Variants in SLC39A11 observed in about 807,000 individuals in gnomAD.
SLC39A11 encodes solute carrier family 39 member 11.
In SLC39A11, 33 loss-of-function variants were observed where a neutral mutation model predicts 36.1. That is an observed-to-expected ratio of 0.91 (90% CI 0.69 to 1.22). SLC39A11 has a LOEUF of 1.22. Ranked by LOEUF, SLC39A11 falls within the 50% of genes most tolerant of loss-of-function variation. SLC39A11 has a pLI of 0.00. For missense variants in SLC39A11, 432 were observed against 430.3 expected (o/e 1.00, Z -0.03); for synonymous variants, 166 against 170.3 (o/e 0.97, Z 0.20).
At chr17:72,883,998 T>A (rs1027941361) in intron 5 of SLC39A11, among the ~76,000 whole-genome samples, 2 of 152,036 alleles carry the variant, frequency 1.3e-5, no homozygotes, top group African/African-American at 4.8e-5. Context: ...CTACAAAAAA[T>A]ACAAAAGTTA....
At position 72,895,988 on chromosome 17, in the gene SLC39A11, C is replaced by CT. The variant is rs377060948; in HGVS notation, c.431-46185dup. ...GGCCCTATTAAAGATTATTTTTAAT[C>CT]TTTTTTTTTGGTGTGCATATGTATG... On this transcript the variant is annotated intron_variant, in intron 5 of 9. Coordinates refer to ENST00000255559, the MANE Select transcript of SLC39A11 (RefSeq NM_139177.4). Among the ~76,000 whole-genome samples, 187 of 150,720 alleles carry CT rather than the reference C, an allele frequency of 1.2e-3. 1 individual carries two copies. The highest frequency in any genetic ancestry group is 4.2e-3 in the African/African-American group (172 of 41,162).
At chr17:73,047,990 A>AATATATATATATATATAT in intron 3 of SLC39A11, among the ~76,000 whole-genome samples, 10 of 58,696 alleles carry the variant, frequency 1.7e-4, no homozygotes, top group Admixed American at 3.2e-4. Context: ...AAAAAAAAAA[A>AATATATATATATATATAT]ATATATATAT....
chr17:72,836,568 C>T (rs2078558473), intron 6 of SLC39A11, among the ~76,000 whole-genome samples: 1 of 152,020 alleles, frequency 6.6e-6, no homozygotes, highest in African/African-American at 2.4e-5. Context: ...CTTGAACTCC[C>T]AGGTTCAAGC....
At chr17:72,809,573 T>C (rs1330433069) in intron 6 of SLC39A11, among the ~76,000 whole-genome samples, 1 of 152,164 alleles carries the variant, frequency 6.6e-6, no homozygotes, top group African/African-American at 2.4e-5. Flanking sequence ...ATGGTTCAAA[T>C]ATCTGAGGAC....
At chr17:73,012,758 A>G (rs1025022306) in intron 4 of SLC39A11, among the ~76,000 whole-genome samples, 2 of 151,734 alleles carry the variant, frequency 1.3e-5, no homozygotes, top group Non-Finnish European at 2.9e-5. Context: ...TGTGTACCCA[A>G]TGTTTATTTT....
chr17:72,974,298 C>T (rs2087676463), intron 4 of SLC39A11, among the ~76,000 whole-genome samples: 1 of 152,012 alleles, frequency 6.6e-6, no homozygotes, highest in South Asian at 2.1e-4. Flanking sequence ...CAAGGTTTTG[C>T]CACGTTGGCC....
chr17:72,699,159 T>C (rs1165693560), intron 7 of SLC39A11, among the ~76,000 whole-genome samples: 1 of 152,050 alleles, frequency 6.6e-6, no homozygotes, highest in Non-Finnish European at 1.5e-5. Context: ...GGGACCGAAA[T>C]CACTCTAGAC....
In SLC39A11 at chr17:73,081,124, G is replaced by GA. The variant is rs553197859; in HGVS notation, c.147+3683dup. ...ACAAGGAACTCAAACAAATCAGCAA[G>GA]AAAAAAACAAACAATCCCATCAACA... On this transcript the variant is annotated intron_variant, in intron 3 of 9. Transcript: ENST00000255559. Among the ~76,000 whole-genome samples the GA allele has an allele frequency of 2.1e-3, 326 of 151,914 alleles. 2 individuals are homozygous for GA. The highest frequency in any genetic ancestry group is 7.7e-3 in the African/African-American group (320 of 41,448).
intron 3 of SLC39A11, chr17:73,068,155 C>T: frequency 7.7e-7 from 1 of 1,296,150 alleles, no homozygotes; most frequent in Admixed American, 1.9e-5. Context: ...CAGCAGGTTC[C>T]TCTGTTCCCG....
At chr17:72,766,704 G>T (rs956386118) in intron 6 of SLC39A11, among the ~76,000 whole-genome samples, 1 of 152,160 alleles carries the variant, frequency 6.6e-6, no homozygotes, top group Non-Finnish European at 1.5e-5. Flanking sequence ...TACTCTGCTT[G>T]TTATTTGCTC....
chr17:73,049,547 T>G (rs1351382642), intron 3 of SLC39A11, among the ~76,000 whole-genome samples: 1 of 152,174 alleles, frequency 6.6e-6, no homozygotes, highest in Non-Finnish European at 1.5e-5. Context: ...CCAAGATGCT[T>G]ACAGCTTATT....
intron 5 of SLC39A11, among the ~76,000 whole-genome samples, chr17:72,879,841 C>G (rs933159148): frequency 1.7e-4 from 26 of 152,350 alleles, no homozygotes; most frequent in Admixed American, 1.3e-3. Context: ...GCAAATGCCA[C>G]CTGGTCTGAA....
chr17:72,809,931 G>A (rs945341645), intron 6 of SLC39A11, among the ~76,000 whole-genome samples: 26 of 152,086 alleles, frequency 1.7e-4, no homozygotes, highest in Non-Finnish European at 2.8e-4. Context: ...CTAGCCAGGC[G>A]TGGGCACCTA....
At chr17:72,789,397 T>G (rs1403959491) in intron 6 of SLC39A11, among the ~76,000 whole-genome samples, 4 of 152,182 alleles carry the variant, frequency 2.6e-5, no homozygotes, top group Non-Finnish European at 5.9e-5. Flanking sequence ...AGAAGAACAA[T>G]GGAGGCCACC....
rs115567758 is a variant in SLC39A11, at chr17:72,649,227, C to G, written c.713G>C (p.Gly238Ala). ...IGIGIQNFPE[G>A]LAVSLPLRGA... is the part of the protein sequence containing the mutation. ...TCGCAAGGGAAGGCTGACAGCCAGG[C>G]CCTCGGGGAAATTCTGGATCCCGAT... is the stretch of plus-strand genomic sequence containing the variant. Residue 238 changes from glycine to alanine, a missense_variant, in exon 8 of 10, where the codon GGC becomes GCC. Gly to Ala is a moderately conservative substitution (Grantham distance 60, BLOSUM62 0). Transcript: ENST00000255559. 469 of 1,614,226 alleles carry G rather than the reference C, an allele frequency of 2.9e-4. 1 individual carries two copies. The African/African-American group carries it at 5.8e-3, about 20-fold the overall frequency.
At chr17:73,055,028 G>A (rs1027302077) in intron 3 of SLC39A11, among the ~76,000 whole-genome samples, 2 of 152,128 alleles carry the variant, frequency 1.3e-5, no homozygotes, top group African/African-American at 4.8e-5. Flanking sequence ...CCAGGTCCAT[G>A]ATGAGGTCAT....
intron 7 of SLC39A11, among the ~76,000 whole-genome samples, chr17:72,674,285 A>G (rs1024892643): frequency 2.0e-5 from 3 of 152,206 alleles, no homozygotes; most frequent in African/African-American, 7.2e-5. Context: ...TACATCAGTG[A>G]CAGTATACTA....
intron 4 of SLC39A11, among the ~76,000 whole-genome samples, chr17:73,026,419 G>A (rs1182860795): frequency 1.3e-5 from 2 of 151,236 alleles, no homozygotes; most frequent in Non-Finnish European, 2.9e-5. Context: ...GGAGACTGAG[G>A]CAGGAGAATC....
At chr17:72,905,956 T>G (rs2082638354) in intron 5 of SLC39A11, among the ~76,000 whole-genome samples, 1 of 152,122 alleles carries the variant, frequency 6.6e-6, no homozygotes, top group Non-Finnish European at 1.5e-5. Context: ...GGTTTCACTG[T>G]GTTAGCCAGG....
Sources: allele counts gnomAD v4.1 joint callset (sites outside exome capture counted in the v4.1 genomes callset), GRCh38; gene constraint gnomAD v4.1.1; transcripts MANE v1.5; gene names NCBI Gene and HGNC (gene_info 2026-07-23, HGNC 2026-07-21).